The following MYL2 variants were observed in gnomAD, a reference collection of about 807,000 sequenced individuals.
MYL2 encodes myosin regulatory light chain 2, ventricular/cardiac muscle isoform.
A neutral mutation model predicts 23.0 loss-of-function variants in MYL2; 19 were observed. That is an observed-to-expected ratio of 0.83 (90% CI 0.58 to 1.21). The LOEUF (loss-of-function observed/expected upper bound fraction) is 1.21, where lower values mean the gene tolerates loss of function less well. Among genes scored for constraint, MYL2 ranks in the 50% most tolerant of loss-of-function variants. MYL2 has a pLI of 0.00. For synonymous variants in MYL2, 78 were observed against 76.2 expected (o/e 1.02, Z -0.13); for missense variants, 180 against 215.1 (o/e 0.84, Z 1.02).
chr12:110,917,569 T>C (rs1359697682), intron 2 of MYL2, among the ~76,000 whole-genome samples: 5 of 152,168 alleles, frequency 3.3e-5, no homozygotes, highest in Non-Finnish European at 7.3e-5. Flanking sequence ...TTTGCATCCC[T>C]TACCCACACC....
chr12:110,916,913 A>G (rs1380647319), intron 2 of MYL2, among the ~76,000 whole-genome samples: 3 of 152,142 alleles, frequency 2.0e-5, no homozygotes, highest in Non-Finnish European at 4.4e-5. Flanking sequence ...CAGTGGTGCA[A>G]TCTCGGCTCA....
intron 4 of MYL2, 23 bp downstream of exon 4, chr12:110,914,159 GACAC>G (rs142567411): frequency 7.6e-5 from 104 of 1,373,366 alleles, no homozygotes; most frequent in Non-Finnish European, 9.6e-5. Flanking sequence ...CATACACACA[GACAC>G]ACACACACAC....
chr12:110,920,823 C>T (rs768258253), upstream of MYL2: 136 of 555,600 alleles, frequency 2.4e-4, no homozygotes, highest in Non-Finnish European at 3.4e-4. Flanking sequence ...GCGCTCTCTG[C>T]GGTGCTTGGG....
intron 1 of MYL2, 23 bp downstream of exon 1, chr12:110,920,504 C>G (rs566040133): frequency 1.2e-6 from 2 of 1,614,170 alleles, no homozygotes; most frequent in Middle Eastern, 1.6e-4. Context: ...GGCATCATCA[C>G]CTCCTGGAGC....
chr12:110,913,042 C>A (rs918589286), intron 6 of MYL2, 54 bp downstream of exon 6: 1 of 1,604,342 alleles, frequency 6.2e-7, no homozygotes, highest in South Asian at 1.1e-5. Flanking sequence ...CGGAGCCCCC[C>A]AGAAGGAGAA....
upstream of MYL2, chr12:110,920,613 C>T: frequency 1.2e-6 from 2 of 1,604,602 alleles, no homozygotes; most frequent in Non-Finnish European, 1.7e-6. Flanking sequence ...TAAATACTTC[C>T]TCCCCATGTT....
chr12:110,916,438 T>A (rs1446701391), intron 2 of MYL2, among the ~76,000 whole-genome samples: 1 of 152,214 alleles, frequency 6.6e-6, no homozygotes, highest in Admixed American at 6.5e-5. Flanking sequence ...CATCAACTGA[T>A]GAATGGATAA....
intron 2 of MYL2, among the ~76,000 whole-genome samples, chr12:110,916,912 A>C (rs2071691158): frequency 6.6e-6 from 1 of 152,124 alleles, no homozygotes; most frequent in African/African-American, 2.4e-5. Flanking sequence ...GCAGTGGTGC[A>C]ATCTCGGCTC....
chr12:110,917,420 C>T (rs944622615), intron 2 of MYL2, among the ~76,000 whole-genome samples: 13 of 150,954 alleles, frequency 8.6e-5, no homozygotes, highest in African/African-American at 3.2e-4. Flanking sequence ...ACAGTGAAAC[C>T]CTGTCTCTAG....
chr12:110,918,886 A>C lies in MYL2; in HGVS notation c.93+218T>G. 1 of 560,320 alleles carries C rather than the reference A, an allele frequency of 1.8e-6. No individual in the cohort carries two copies. Among genetic ancestry groups the C allele is most frequent in the Non-Finnish European group, 3.2e-6 (1 of 316,906 alleles). The allele number at this position is 560,320 out of a possible 1,614,324, so 34.7% of individuals were successfully genotyped here. A position where few individuals can be genotyped will look rare whatever the true frequency, so the allele number is the denominator to read the frequency against. On this transcript the variant is annotated intron_variant, in intron 2 of 6. Transcript: ENST00000228841. This position sits in a 1 kb window ranked among gnomAD's most constrained non-coding sequence, Gnocchi z 4.4. ...GTGCTTTTCTGAAAAATTTTCCAAC[A>C]TTTTTCAACATGGAATATGTTTTAC...
intron 2 of MYL2, 78 bp downstream of exon 2, chr12:110,919,026 G>T: frequency 7.3e-7 from 1 of 1,362,172 alleles, no homozygotes; most frequent in South Asian, 1.2e-5. Context: ...GTCCCTGCTG[G>T]GAATATGGAA....
intron 3 of MYL2, among the ~76,000 whole-genome samples, chr12:110,915,255 A>G (rs981566879): frequency 6.6e-6 from 1 of 152,164 alleles, no homozygotes; most frequent in African/African-American, 2.4e-5. Context: ...AAGAAACTCC[A>G]TGTACTCATG....
chr12:110,921,353 C>T (rs932373973), upstream of MYL2, among the ~76,000 whole-genome samples: 30 of 152,098 alleles, frequency 2.0e-4, no homozygotes, highest in African/African-American at 7.2e-4. Flanking sequence ...AGAGCAAGAC[C>T]CTGTCTCAAA....
Position 110,913,228 on chromosome 12 carries a change from C to A in MYL2, c.353+18G>T. On this transcript the variant is annotated intron_variant, in intron 5 of 6. Coordinates refer to ENST00000228841, the MANE Select transcript of MYL2 (RefSeq NM_000432.4). ...GGCAAGCAGGGAACCCCCTTCCTCC[C>A]CCACAGACCCCACTCACTAATCAGC... 6.2e-7 allele frequency: 1 copy of A among 1,614,196 alleles called. No homozygotes were observed. The highest frequency in any genetic ancestry group is 8.5e-7 in the Non-Finnish European group (1 of 1,180,022).
At chr12:110,919,260 A>T in intron 1 of MYL2, 67 bp from the exon 2 acceptor site, 1 of 1,348,362 alleles carries the variant, frequency 7.4e-7, no homozygotes, top group Non-Finnish European at 1.0e-6. Context: ...TCAGGCCCCT[A>T]CTCTGGGTGT....
rs185954400 is a variant in MYL2, at chr12:110,915,378, A to G, written c.169+337T>C. On this transcript the variant is annotated intron_variant, in intron 3 of 6. Coordinates refer to ENST00000228841, the MANE Select transcript of MYL2 (RefSeq NM_000432.4). ...AGACATGTCTAGAAAGACTTAGAGGAGGGACTGGAATGTTCACAGTGGAAT... is the reference window on the plus strand; with the variant it reads ...AGACATGTCTAGAAAGACTTAGAGGGGGGACTGGAATGTTCACAGTGGAAT... Among the ~76,000 whole-genome samples the G allele has an allele frequency of 4.8e-3, 727 of 152,314 alleles. 6 individuals carry two copies. Among genetic ancestry groups the G allele is most frequent in the Middle Eastern group, 0.034 (10 of 294 alleles).
chr12:110,911,667 TCA>T (rs1397898185), intron 6 of MYL2, among the ~76,000 whole-genome samples: 3 of 152,074 alleles, frequency 2.0e-5, no homozygotes, highest in Non-Finnish European at 4.4e-5. Context: ...TCCACTGGGA[TCA>T]CAAACTCAAG....
At chr12:110,914,766 A>G (rs2071678161) in intron 3 of MYL2, among the ~76,000 whole-genome samples, 2 of 152,136 alleles carry the variant, frequency 1.3e-5, no homozygotes, top group Admixed American at 1.3e-4. Flanking sequence ...GTGGTCCTCC[A>G]GCCTACGCCT....
chr12:110,916,697 T>C (rs1354583452), intron 2 of MYL2, among the ~76,000 whole-genome samples: 1 of 152,090 alleles, frequency 6.6e-6, no homozygotes, highest in East Asian at 1.9e-4. Context: ...CTAATGGGTA[T>C]GGGGTTTCTT....
Sources: allele counts gnomAD v4.1 joint callset (sites outside exome capture counted in the v4.1 genomes callset), GRCh38; gene constraint gnomAD v4.1.1; non-coding constraint Gnocchi (gnomAD v3.1); transcripts MANE v1.5; gene names NCBI Gene and HGNC (gene_info 2026-07-23, HGNC 2026-07-21).